The following FUT8 variants were observed in gnomAD, a reference collection of about 807,000 sequenced individuals.
FUT8 encodes fucosyltransferase 8, also known as alpha-(1,6)-fucosyltransferase.
In FUT8, 29 loss-of-function variants were observed where a neutral mutation model predicts 71.3. That is an observed-to-expected ratio of 0.41 (90% CI 0.30 to 0.55). The LOEUF is 0.55. Among genes scored for constraint, FUT8 ranks in the 20% least tolerant of loss-of-function variants. The pLI is 0.34. For synonymous variants in FUT8, 254 were observed against 239.3 expected (o/e 1.06, Z -0.57); for missense variants, 544 against 702.1 (o/e 0.77, Z 2.55).
At chr14:65,708,698 T>G (rs560613246) in intron 7 of FUT8, among the ~76,000 whole-genome samples, 13 of 152,142 alleles carry the variant, frequency 8.5e-5, no homozygotes, top group African/African-American at 3.1e-4. Context: ...AACGTGCAAC[T>G]TTACTGAATT....
At chr14:65,609,346 C>G (rs1021976913) in intron 3 of FUT8, among the ~76,000 whole-genome samples, 2 of 151,252 alleles carry the variant, frequency 1.3e-5, no homozygotes, top group Non-Finnish European at 3.0e-5. Context: ...TTTTCATTCT[C>G]TTAACTGTGT....
chr14:65,455,899 C>A (rs960056983), intron 2 of FUT8, among the ~76,000 whole-genome samples, 181 bp downstream of exon 2: 8 of 152,108 alleles, frequency 5.3e-5, no homozygotes, highest in Non-Finnish European at 1.0e-4. Context: ...CTACTATATA[C>A]AATATTCACT....
intron 3 of FUT8, among the ~76,000 whole-genome samples, chr14:65,586,305 CTT>C (rs896829161): frequency 1.3e-5 from 2 of 152,130 alleles, no homozygotes; most frequent in Non-Finnish European, 2.9e-5. Context: ...ATGTAGCAAT[CTT>C]TTTACATTTC....
intron 2 of FUT8, among the ~76,000 whole-genome samples, chr14:65,547,889 A>G (rs1221856108): frequency 6.6e-6 from 1 of 151,956 alleles, no homozygotes; most frequent in Non-Finnish European, 1.5e-5. Context: ...ACTACAGACT[A>G]CATTTGGATT....
In FUT8 at chr14:65,592,058, A is replaced by G. The variant is rs188457356; in HGVS notation, c.204-23920A>G. Among the ~76,000 whole-genome samples the G allele has an allele frequency of 2.2e-3, 333 of 152,242 alleles. 1 individual carries two copies. The highest frequency in any genetic ancestry group is 3.6e-3 in the Non-Finnish European group (244 of 67,966). ...CACCTAGTTCTTCAGAAAGTTTCTT[A>G]TTAACTGAGGGATTAATTATGAAGA... On this transcript the variant is annotated intron_variant, in intron 3 of 10. Transcript: ENST00000673929.
At chr14:65,516,610 T>A (rs1882724497) in intron 2 of FUT8, among the ~76,000 whole-genome samples, 1 of 152,178 alleles carries the variant, frequency 6.6e-6, no homozygotes, top group Admixed American at 6.6e-5. Context: ...TTTGTAACTA[T>A]TTTATTAATA....
At chr14:65,546,327 A>G (rs142193114) in intron 2 of FUT8, among the ~76,000 whole-genome samples, 2,690 of 151,864 alleles carry the variant, frequency 0.018, 80 homozygotes, top group African/African-American at 0.061. Flanking sequence ...CAAGTAATCT[A>G]TTCTTTATTG....
At chr14:65,555,679 C>A (rs776401485) in intron 2 of FUT8, among the ~76,000 whole-genome samples, 2 of 152,168 alleles carry the variant, frequency 1.3e-5, no homozygotes, top group Non-Finnish European at 2.9e-5. Context: ...ATAGGGCTTA[C>A]TTTTATTGTT....
intron 2 of FUT8, among the ~76,000 whole-genome samples, chr14:65,469,093 T>C (rs2066095010): frequency 6.6e-6 from 1 of 152,094 alleles, no homozygotes; most frequent in African/African-American, 2.4e-5. Context: ...GGCAGGAAGA[T>C]TGTTTGTGCC....
chr14:65,739,750 A>C (rs1041604877), intron 10 of FUT8, among the ~76,000 whole-genome samples: 22 of 152,084 alleles, frequency 1.4e-4, no homozygotes, highest in Non-Finnish European at 2.8e-4. Flanking sequence ...AATAAGATTT[A>C]CAAGAGAAAA....
chr14:65,600,198 A>G (rs1009939960), intron 3 of FUT8, among the ~76,000 whole-genome samples: 2 of 152,192 alleles, frequency 1.3e-5, no homozygotes, highest in African/African-American at 4.8e-5. Context: ...AGATGTGTCA[A>G]TTGGATTTTC....
intron 2 of FUT8, among the ~76,000 whole-genome samples, chr14:65,468,978 G>A (rs765666895): frequency 1.4e-4 from 21 of 151,976 alleles, no homozygotes; most frequent in Middle Eastern, 3.4e-3. Flanking sequence ...AAAAAAAATC[G>A]TAGAAACAGG....
chr14:65,638,457 A>G lies in FUT8; in HGVS notation c.597+8851A>G, dbSNP rs896510125. On this transcript the variant is annotated intron_variant, in intron 6 of 10. Coordinates refer to ENST00000673929, the MANE Select transcript of FUT8 (RefSeq NM_001371533.1). The surrounding 1 kb of genome is among the most constrained non-coding windows in gnomAD (Gnocchi z 4.5). Reference sequence around the variant, plus strand: ...TTTCTTTTTTTTTTGAGAGAAAGAGAGGAAAAAAGGTGTGAAAATGGAAAA... The same window carrying G: ...TTTCTTTTTTTTTTGAGAGAAAGAGGGGAAAAAAGGTGTGAAAATGGAAAA... Among the ~76,000 whole-genome samples the G allele has an allele frequency of 2.0e-5, 3 of 151,944 alleles. No homozygotes were observed. The highest frequency in any genetic ancestry group is 4.4e-5 in the Non-Finnish European group (3 of 68,012).
At chr14:65,504,919 G>T (rs960611648) in intron 2 of FUT8, among the ~76,000 whole-genome samples, 2 of 152,100 alleles carry the variant, frequency 1.3e-5, no homozygotes, top group Non-Finnish European at 2.9e-5. Context: ...GCCGGGCTGG[G>T]CAACAAGAGT....
the FUT8 span, among the ~76,000 whole-genome samples, chr14:65,385,452 G>A: frequency 6.6e-6 from 1 of 151,972 alleles, no homozygotes; most frequent in East Asian, 1.9e-4. Context: ...TATAGAAAAG[G>A]CTGTGAGATG....
intron 1 of FUT8, among the ~76,000 whole-genome samples, chr14:65,424,102 G>T (rs1307175847): frequency 1.3e-5 from 2 of 152,188 alleles, no homozygotes; most frequent in Non-Finnish European, 2.9e-5. Flanking sequence ...GTCATTTGAG[G>T]TTTATAGTAT....
chr14:65,590,833 GGCACT>G (rs1330048283), intron 3 of FUT8, among the ~76,000 whole-genome samples: 15 of 152,240 alleles, frequency 9.9e-5, no homozygotes, highest in African/African-American at 3.4e-4. Context: ...TTCACCTTCT[GGCACT>G]CCATCTCCCT....
intron 3 of FUT8, among the ~76,000 whole-genome samples, chr14:65,597,540 G>A (rs1178568026): frequency 6.6e-6 from 1 of 151,814 alleles, no homozygotes; most frequent in Non-Finnish European, 1.5e-5. Flanking sequence ...GGAGAATGGT[G>A]TGAACCCGGG....
chr14:65,591,331 G>A (rs902840694), intron 3 of FUT8, among the ~76,000 whole-genome samples: 1 of 152,102 alleles, frequency 6.6e-6, no homozygotes. Flanking sequence ...TTAGACTGAA[G>A]TATTTAAGAA....
Sources: gnomAD v4.1 joint callset for allele counts (sites outside exome capture counted in the v4.1 genomes callset) on GRCh38, gnomAD v4.1.1 for gene constraint, Gnocchi (gnomAD v3.1) non-coding constraint, MANE v1.5 for transcripts, NCBI Gene and HGNC (gene_info 2026-07-23, HGNC 2026-07-21) for gene names.